Variants in ZDHHC14 observed in about 807,000 individuals in gnomAD.
ZDHHC14 encodes the protein palmitoyltransferase ZDHHC14.
In ZDHHC14, 16 loss-of-function variants were observed where a neutral mutation model predicts 47.7. That is an observed-to-expected ratio of 0.34 (90% confidence interval 0.23 to 0.51). The LOEUF (loss-of-function observed/expected upper bound fraction) is 0.51, where lower values mean the gene tolerates loss of function less well. Ranked by LOEUF, ZDHHC14 falls within the 20% of genes least tolerant of loss-of-function variation. The pLI is 0.97. For synonymous variants in ZDHHC14, 293 were observed against 278.9 expected (o/e 1.05, Z -0.50); for missense variants, 515 against 662.5 (o/e 0.78, Z 2.44).
chr6:157,653,249 C>T (rs1350656593), intron 7 of ZDHHC14, among the ~76,000 whole-genome samples: 1 of 152,164 alleles, frequency 6.6e-6, no homozygotes. Flanking sequence ...TAGAGGCTCC[C>T]ACAGTTAGTA....
chr6:157,607,668 T>G (rs1784594204), intron 3 of ZDHHC14, among the ~76,000 whole-genome samples: 1 of 152,144 alleles, frequency 6.6e-6, no homozygotes, highest in African/African-American at 2.4e-5. Context: ...ACAGAAACCA[T>G]CTTCATGGCT....
intron 1 of ZDHHC14, among the ~76,000 whole-genome samples, chr6:157,448,041 T>C (rs1447995739): frequency 6.6e-6 from 1 of 151,988 alleles, no homozygotes; most frequent in Non-Finnish European, 1.5e-5. Flanking sequence ...CTGGCTACTT[T>C]ATTTATTTAT....
intron 2 of ZDHHC14, among the ~76,000 whole-genome samples, chr6:157,581,902 T>C (rs1783534753): frequency 6.6e-6 from 1 of 152,106 alleles, no homozygotes; most frequent in Non-Finnish European, 1.5e-5. Flanking sequence ...TGTGACATTT[T>C]TTTTTTCTTT....
At chr6:157,527,802 C>T (rs940491004) in intron 1 of ZDHHC14, among the ~76,000 whole-genome samples, 17 of 152,206 alleles carry the variant, frequency 1.1e-4, no homozygotes, top group African/African-American at 4.1e-4. Context: ...CTTGACAGTT[C>T]TTTAGGGCTC....
At chr6:157,569,003 T>C (rs1473123068) in intron 2 of ZDHHC14, among the ~76,000 whole-genome samples, 5 of 152,134 alleles carry the variant, frequency 3.3e-5, no homozygotes, top group Non-Finnish European at 5.9e-5. Context: ...TTGTTATATA[T>C]GTTACAAATA....
In ZDHHC14 at chr6:157,381,890, G is replaced by C; in HGVS notation, c.-132G>C. 3 of 771,474 alleles carry C rather than the reference G, an allele frequency of 3.9e-6. No homozygotes were observed. The highest frequency in any genetic ancestry group is 4.7e-6 in the Non-Finnish European group (3 of 638,312). The allele number at this position is 771,474 out of a possible 1,614,324, so 47.8% of individuals were successfully genotyped here. ...CCTCGGCAAAGTTGTCGCCGAGCCG[G>C]GAGCCCGTGTAGGGGCCGCGGCGCC... On this transcript the variant is annotated 5_prime_UTR_variant, in exon 1 of 9. Transcript: ENST00000359775.
intron 8 of ZDHHC14, among the ~76,000 whole-genome samples, chr6:157,654,675 T>G (rs1339372802): frequency 2.0e-5 from 3 of 151,666 alleles, no homozygotes; most frequent in East Asian, 2.0e-4. Flanking sequence ...GGTTTACGTG[T>G]TGGTGGTGGT....
intron 3 of ZDHHC14, among the ~76,000 whole-genome samples, chr6:157,624,132 G>A (rs145190080): frequency 1.6e-3 from 242 of 152,300 alleles, no homozygotes; most frequent in African/African-American, 5.4e-3. Context: ...TGTGTTGGTT[G>A]CAGTCACTTG....
At chr6:157,551,532 G>A (rs570969052) in intron 2 of ZDHHC14, among the ~76,000 whole-genome samples, 31 of 152,276 alleles carry the variant, frequency 2.0e-4, no homozygotes, top group African/African-American at 6.7e-4. Context: ...TGTCAGCATC[G>A]CCTGGGAGTT....
chr6:157,393,995 G>A (rs1322535706), intron 1 of ZDHHC14, among the ~76,000 whole-genome samples: 1 of 152,148 alleles, frequency 6.6e-6, no homozygotes. Context: ...TGCCTGTAGA[G>A]ATCTCTGCCG....
At chr6:157,393,348 A>C (rs191490056) in intron 1 of ZDHHC14, among the ~76,000 whole-genome samples, 1,774 of 152,314 alleles carry the variant, frequency 0.012, 15 homozygotes, top group Non-Finnish European at 0.016. Context: ...GGTGTAGCCA[A>C]CGGCCCTGCC....
chr6:157,591,132 G>A (rs1167201676), intron 2 of ZDHHC14, among the ~76,000 whole-genome samples: 1 of 152,212 alleles, frequency 6.6e-6, no homozygotes, highest in Non-Finnish European at 1.5e-5. Flanking sequence ...CAGGCTTATA[G>A]ACAGAAGAAA....
At chr6:157,595,358 AT>A (rs1179520161) in intron 3 of ZDHHC14, among the ~76,000 whole-genome samples, 1 of 151,176 alleles carries the variant, frequency 6.6e-6, no homozygotes, top group African/African-American at 2.4e-5. Flanking sequence ...TGCCCAGCTA[AT>A]TTTTTTGTAT....
chr6:157,633,503 T>TA (rs1776814308), intron 5 of ZDHHC14, among the ~76,000 whole-genome samples: 1 of 152,182 alleles, frequency 6.6e-6, no homozygotes, highest in Admixed American at 6.5e-5. Flanking sequence ...CATTAAGTGC[T>TA]TGAATGAGGT....
intron 2 of ZDHHC14, among the ~76,000 whole-genome samples, chr6:157,588,121 G>A (rs978738264): frequency 2.6e-5 from 4 of 152,138 alleles, no homozygotes; most frequent in African/African-American, 4.8e-5. Flanking sequence ...TTAGCTGGGC[G>A]TGGTGGTGCA....
chr6:157,436,637 T>C (rs968053903), intron 1 of ZDHHC14, among the ~76,000 whole-genome samples: 4 of 151,746 alleles, frequency 2.6e-5, no homozygotes, highest in Admixed American at 6.6e-5. Flanking sequence ...GGCACAGGCG[T>C]CAGAGCCCTC....
chr6:157,651,574 CT>C (rs66534937), intron 7 of ZDHHC14, among the ~76,000 whole-genome samples: 71,129 of 150,036 alleles, frequency 0.47, 17,163 homozygotes, highest in East Asian at 0.84. Flanking sequence ...TCAAGACCTC[CT>C]TTTTTTTTTT....
At chr6:157,653,708 T>C in intron 8 of ZDHHC14, 81 bp downstream of exon 8, 1 of 1,422,314 alleles carries the variant, frequency 7.0e-7, no homozygotes, top group Non-Finnish European at 9.7e-7. Flanking sequence ...GCAGCCTTCC[T>C]AGCAAACCTC....
At chr6:157,602,934 C>CTTAAA (rs1784392076) in intron 3 of ZDHHC14, among the ~76,000 whole-genome samples, 1 of 152,210 alleles carries the variant, frequency 6.6e-6, no homozygotes, top group Non-Finnish European at 1.5e-5. Flanking sequence ...ATCAATCAAA[C>CTTAAA]AATCTAATCC....
Sources: gnomAD v4.1 joint callset for allele counts (sites outside exome capture counted in the v4.1 genomes callset) on GRCh38, gnomAD v4.1.1 for gene constraint, MANE v1.5 for transcripts, NCBI Gene and HGNC (gene_info 2026-07-23, HGNC 2026-07-21) for gene names.